Variants in CELA2A observed in about 807,000 individuals in gnomAD.
CELA2A encodes chymotrypsin-like elastase family member 2A.
Under a neutral mutation model 35.3 loss-of-function variants are expected in CELA2A, and 31 were observed. The ratio of observed to expected loss-of-function variants is 0.88; its 90% CI spans 0.66 to 1.19. The LOEUF (loss-of-function observed/expected upper bound fraction) is 1.19. CELA2A is among the 50% of genes most tolerant of loss of function. CELA2A has a pLI of 0.00. For synonymous variants in CELA2A, 150 were observed against 149.8 expected (o/e 1.00, Z -0.01); for missense variants, 330 against 352.9 (o/e 0.94, Z 0.52).
At chr1:15,465,375 T>C (rs555096502) in intron 5 of CELA2A, among the ~76,000 whole-genome samples, 1 of 152,206 alleles carries the variant, frequency 6.6e-6, no homozygotes, top group African/African-American at 2.4e-5. Context: ...TTGCCACTCA[T>C]AGCTGTGGTA....
At chr1:15,457,681 A>C (rs1403289405) in intron 2 of CELA2A, 1 of 156,946 alleles carries the variant, frequency 6.4e-6, no homozygotes, top group Non-Finnish European at 1.4e-5. Flanking sequence ...TGCCTCCTCC[A>C]GCTGCAGTAA....
At chr1:15,471,664 G>T (rs561784342) in intron 7 of CELA2A, among the ~76,000 whole-genome samples, 13 of 152,190 alleles carry the variant, frequency 8.5e-5, no homozygotes, top group Admixed American at 5.9e-4. Flanking sequence ...CAGCAGTTTT[G>T]ATTTAAGAAA....
At chr1:15,460,480 A>T (rs557264021) in intron 2 of CELA2A, among the ~76,000 whole-genome samples, 2 of 152,274 alleles carry the variant, frequency 1.3e-5, no homozygotes, top group South Asian at 4.2e-4. Flanking sequence ...CGTTCCCCAC[A>T]GTTATAGGGA....
At chr1:15,471,669 A>G (rs1244044693) in intron 7 of CELA2A, among the ~76,000 whole-genome samples, 6 of 152,206 alleles carry the variant, frequency 3.9e-5, no homozygotes, top group African/African-American at 1.2e-4. Flanking sequence ...GTTTTGATTT[A>G]AGAAACAAAT....
intron 4 of CELA2A, 49 bp from the exon 5 acceptor site, chr1:15,463,337 G>A: frequency 6.2e-7 from 1 of 1,611,486 alleles, no homozygotes; most frequent in Non-Finnish European, 8.5e-7. Context: ...AGCCCACAGG[G>A]CAGGAAAAGT....
At chr1:15,457,490 A>G (rs1487834172) in intron 2 of CELA2A, 1 of 261,296 alleles carries the variant, frequency 3.8e-6, no homozygotes, top group Non-Finnish European at 7.4e-6. Context: ...CACGCCTGTA[A>G]TCCCAGCAAC....
chr1:15,465,885 T>G, intron 5 of CELA2A, 114 bp from the exon 6 acceptor site: 1 of 1,259,582 alleles, frequency 7.9e-7, no homozygotes, highest in Non-Finnish European at 1.1e-6. Flanking sequence ...ACGTGGCTGT[T>G]CGCATGTTGC....
chr1:15,469,076 G>A (rs1236101753), intron 7 of CELA2A, among the ~76,000 whole-genome samples: 1 of 152,146 alleles, frequency 6.6e-6, no homozygotes, highest in Non-Finnish European at 1.5e-5. Context: ...TACTCAGGAG[G>A]CTGAGGCAGG....
At chr1:15,471,579 AC>A (rs1208005000) in intron 7 of CELA2A, among the ~76,000 whole-genome samples, 4 of 151,984 alleles carry the variant, frequency 2.6e-5, no homozygotes, top group Admixed American at 1.3e-4. Context: ...AAAAAAAAAA[AC>A]GTTTAACAGA....
At chr1:15,468,787 T>G (rs1708554949) in intron 7 of CELA2A, among the ~76,000 whole-genome samples, 1 of 151,334 alleles carries the variant, frequency 6.6e-6, no homozygotes, top group East Asian at 2.0e-4. Flanking sequence ...AGCAAGACCC[T>G]GTCTCCAAAA....
chr1:15,459,093 C>T (rs1708398265), intron 2 of CELA2A, among the ~76,000 whole-genome samples: 1 of 151,632 alleles, frequency 6.6e-6, no homozygotes, highest in Non-Finnish European at 1.5e-5. Flanking sequence ...TGGGCTCTGG[C>T]CATCTACCTG....
chr1:15,457,002 T>C (rs1029435401), intron 1 of CELA2A, 84 bp from the exon 2 acceptor site: 5 of 1,404,630 alleles, frequency 3.6e-6, no homozygotes, highest in Non-Finnish European at 2.0e-6. Context: ...GGTTTTCTAT[T>C]TGGGGGGTCA....
At chr1:15,468,937 G>C (rs1205472395) in intron 7 of CELA2A, among the ~76,000 whole-genome samples, 3 of 152,200 alleles carry the variant, frequency 2.0e-5, no homozygotes, top group African/African-American at 7.2e-5. Flanking sequence ...AGGCACTTTG[G>C]GAGGTCAAGA....
intron 2 of CELA2A, among the ~76,000 whole-genome samples, chr1:15,458,125 A>C: frequency 6.6e-6 from 1 of 152,286 alleles, no homozygotes; most frequent in South Asian, 2.1e-4. Flanking sequence ...ATATATAGTA[A>C]AGATTTTATC....
At position 15,462,770 on chromosome 1, in the gene CELA2A, A is replaced by G; in HGVS notation, c.265A>G (p.Asn89Asp). ...CTACCGCGTGGGGCTGGGCCGGCAC[A>G]ACCTCTACGTTGCGGAGTCCGGCTC... ...RTYRVGLGRHNLYVAESGSLA... is the reference protein window; with the variant it reads ...RTYRVGLGRHDLYVAESGSLA... Residue 89 changes from asparagine (N) to aspartate (D), a missense_variant, in exon 4 of 8, where the codon AAC (asparagine) becomes GAC (aspartate). Transcript: ENST00000359621. The G allele has an allele frequency of 6.2e-7, 1 of 1,614,072 alleles. No individual in the cohort carries two copies. Among genetic ancestry groups the G allele is most frequent in the Non-Finnish European group, 8.5e-7 (1 of 1,180,000 alleles).
intron 5 of CELA2A, among the ~76,000 whole-genome samples, 160 bp downstream of exon 5, chr1:15,463,682 T>C (rs1708472249): frequency 1.3e-5 from 2 of 152,066 alleles, no homozygotes; most frequent in Non-Finnish European, 2.9e-5. Flanking sequence ...AAATGTCAGC[T>C]CTCCCACTTA....
At chr1:15,457,337 C>T (rs960579574) in intron 2 of CELA2A, 163 bp downstream of exon 2, 18 of 675,600 alleles carry the variant, frequency 2.7e-5, no homozygotes, top group South Asian at 3.6e-5. Flanking sequence ...TCCGGCTGGG[C>T]GCAGTGGCTC....
rs769107134 is a variant in CELA2A at position 15,461,755 on chromosome 1, C to A, written c.227+97C>A. On this transcript the variant is annotated intron_variant, in intron 3 of 7. Coordinates refer to ENST00000359621, the MANE Select transcript of CELA2A (RefSeq NM_033440.3). ...GCCTGAACCATGCTACATAAAGCAG[C>A]CTTGCAAATAACCACTATACTGGCT... 2.7e-5 allele frequency: 39 copies of A among 1,421,498 alleles called. No individual in the cohort carries two copies. The South Asian group carries it at 4.3e-4, about 16-fold the overall frequency. The allele number at this position is 1,421,498 out of a possible 1,614,324, so 88.1% of individuals were successfully genotyped here. A position where few individuals can be genotyped will look rare whatever the true frequency, so the allele number is the denominator to read the frequency against.
chr1:15,464,264 C>A (rs541555602), intron 5 of CELA2A, among the ~76,000 whole-genome samples: 32 of 152,178 alleles, frequency 2.1e-4, no homozygotes, highest in Admixed American at 1.2e-3. Context: ...ACCTGAGACC[C>A]CTGGAGCCCT....
Sources: allele counts gnomAD v4.1 joint callset (sites outside exome capture counted in the v4.1 genomes callset), GRCh38; gene constraint gnomAD v4.1.1; transcripts MANE v1.5; gene names NCBI Gene and HGNC (gene_info 2026-07-23, HGNC 2026-07-21).